The following STIL variants were observed in gnomAD, a reference collection of about 807,000 sequenced individuals.
STIL encodes STIL centriolar assembly protein.
Under a neutral mutation model 110.1 loss-of-function variants are expected in STIL, and 55 were observed. The ratio of observed to expected loss-of-function variants is 0.50; its 90% CI spans 0.40 to 0.63. The LOEUF (loss-of-function observed/expected upper bound fraction) is 0.63, where lower values mean the gene tolerates loss of function less well. Ranked by LOEUF, STIL falls within the 20% of genes least tolerant of loss-of-function variation. STIL has a pLI of 0.00. For missense variants in STIL, 1,358 were observed against 1,530.0 expected (o/e 0.89, Z 1.87); for synonymous variants, 481 against 530.0 (o/e 0.91, Z 1.27).
At chr1:47,294,862 G>C (rs1468543692) in intron 7 of STIL, among the ~76,000 whole-genome samples, 2 of 152,194 alleles carry the variant, frequency 1.3e-5, no homozygotes, top group African/African-American at 4.8e-5. Flanking sequence ...GTGGTAGTGA[G>C]AGAATACTGA....
In STIL at chr1:47,304,798, T is replaced by C. The variant is rs1240843355; in HGVS notation, c.152+91A>G. On this transcript the variant is annotated intron_variant, in intron 3 of 16. Transcript: ENST00000371877. Reference sequence around the variant, plus strand: ...TAAAAGAAAAGTAAAGAAAAATGAATAATTGGTCATAGTAATCAACTTTGC... The same window carrying C: ...TAAAAGAAAAGTAAAGAAAAATGAACAATTGGTCATAGTAATCAACTTTGC... 4.1e-6 allele frequency: 4 copies of C among 983,470 alleles called. No homozygotes were observed. The African/African-American group carries it at 4.9e-5, about 12-fold the overall frequency. 60.9% of individuals were successfully genotyped at this position (983,470 alleles called of 1,614,324 possible). A position where few individuals can be genotyped will look rare whatever the true frequency, so the allele number is the denominator to read the frequency against.
rs1274322600 is a variant in STIL at position 47,269,820 on chromosome 1, G to C, written c.2430C>G (p.Asp810Glu). Reference protein sequence around the residue: ...WNAAGEDQEPDSQMKQDDTKI... With the variant: ...WNAAGEDQEPESQMKQDDTKI... The stretch of plus-strand genomic sequence containing the variant: ...TGGTATCATCTTGCTTCATTTGAGA[G>C]TCAGGCTCTTGATCCTCACCTGCTG... Residue 810 changes from aspartate (D) to glutamate (E), a missense_variant, in exon 14 of 17, where the codon GAC becomes GAG. Transcript: ENST00000371877. 6.2e-7 allele frequency: 1 copy of C among 1,614,208 alleles called. No homozygotes were observed. Among genetic ancestry groups the C allele is most frequent in the Admixed American group, 1.7e-5 (1 of 60,028 alleles).
intron 3 of STIL, among the ~76,000 whole-genome samples, chr1:47,303,479 C>T (rs1054935391): frequency 2.0e-5 from 3 of 152,108 alleles, no homozygotes; most frequent in Non-Finnish European, 2.9e-5. Flanking sequence ...ACAGGAGAAT[C>T]GCTTGTACAT....
At chr1:47,314,470 G>A (rs1220460054), upstream of STIL, among the ~76,000 whole-genome samples, 1 of 152,236 alleles carries the variant, frequency 6.6e-6, no homozygotes, top group Non-Finnish European at 1.5e-5. Flanking sequence ...AGACGGAGGA[G>A]CGAGTGGCAG....
rs759612121 is a variant in STIL, at chr1:47,301,549, A to G, written c.453+12T>C. On this transcript the variant is annotated intron_variant, in intron 5 of 16. Transcript: ENST00000371877. The stretch of plus-strand genomic sequence containing the variant: ...GTGTTGAATTAACTATCAAGTTGTC[A>G]ATGAATCGCACCTTTAAAGCTGAAC... 2.5e-6 allele frequency: 4 copies of G among 1,611,982 alleles called. No individual in the cohort carries two copies. Among genetic ancestry groups the G allele is most frequent in the Non-Finnish European group, 3.4e-6 (4 of 1,178,810 alleles).
Position 47,251,346 on chromosome 1 carries a change from T to C in STIL, c.3657A>G (p.Leu1219=), listed in dbSNP as rs764836648. 6.2e-7 allele frequency: 1 copy of C among 1,614,254 alleles called. No individual in the cohort carries two copies. Among genetic ancestry groups the C allele is most frequent in the South Asian group, 1.1e-5 (1 of 91,086 alleles). ...CAGGACTTGGTTTAAGGTTCTTTAC[T>C]AAGAAAGCTGGCTTTTCAGTCAACT... ...KQQLTEKPAF[L]VKNLKPSPAV... Residue 1219 remains leucine, a synonymous_variant, in exon 17 of 17, where the codon TTA becomes TTG. Coordinates refer to ENST00000371877, the MANE Select transcript of STIL (RefSeq NM_001048166.1).
intron 13 of STIL, 54 bp from the exon 14 acceptor site, chr1:47,269,920 T>C (rs1644769371): frequency 2.0e-6 from 3 of 1,509,758 alleles, no homozygotes; most frequent in East Asian, 2.3e-5. Context: ...TTAAAAATAA[T>C]ACTCTGCCAA....
intron 1 of STIL, among the ~76,000 whole-genome samples, chr1:47,311,281 TTC>T (rs563037601): frequency 1.9e-4 from 27 of 145,474 alleles, no homozygotes; most frequent in East Asian, 1.2e-3. Flanking sequence ...TTTTCTTTTT[TTC>T]TTTTTTTTTT....
At chr1:47,293,157 C>T (rs1357302517) in intron 8 of STIL, among the ~76,000 whole-genome samples, 2 of 152,162 alleles carry the variant, frequency 1.3e-5, no homozygotes, top group Non-Finnish European at 2.9e-5. Context: ...AAGTTAACCT[C>T]CTTAATTATT....
At chr1:47,303,390 C>T (rs1645864113) in intron 3 of STIL, among the ~76,000 whole-genome samples, 1 of 152,078 alleles carries the variant, frequency 6.6e-6, no homozygotes, top group African/African-American at 2.4e-5. Flanking sequence ...CATGGTGAAA[C>T]CCCATCTCTA....
intron 14 of STIL, among the ~76,000 whole-genome samples, chr1:47,267,431 GCAGTGGCTCATAC>G (rs1644684919): frequency 6.6e-6 from 1 of 152,084 alleles, no homozygotes; most frequent in African/African-American, 2.4e-5. Context: ...TAGGCCAGGT[GCAGTGGCTCATAC>G]CAGTAATCCC....
intron 2 of STIL, among the ~76,000 whole-genome samples, chr1:47,307,118 T>C (rs1303388849): frequency 1.3e-5 from 2 of 152,138 alleles, no homozygotes; most frequent in African/African-American, 2.4e-5. Flanking sequence ...GCCACCCCAC[T>C]ACAGCTTGGG....
intron 12 of STIL, among the ~76,000 whole-genome samples, chr1:47,278,511 A>C (rs909334502): frequency 6.6e-6 from 1 of 152,130 alleles, no homozygotes; most frequent in African/African-American, 2.4e-5. Context: ...ACAAATTCCA[A>C]GTAACTAAGA....
intron 8 of STIL, among the ~76,000 whole-genome samples, chr1:47,291,684 A>G (rs1296936175): frequency 2.0e-5 from 3 of 151,446 alleles, no homozygotes. Flanking sequence ...TCCTGCCTCA[A>G]CCTCCCGAGC....
At position 47,250,876 on chromosome 1, in the gene STIL, C is replaced by G; in HGVS notation, c.*260G>C. 1 of 451,572 alleles carries G rather than the reference C, an allele frequency of 2.2e-6. No homozygotes were observed. The highest frequency in any genetic ancestry group is 3.9e-6 in the Non-Finnish European group (1 of 253,564). 28.0% of individuals were successfully genotyped at this position (451,572 alleles called of 1,614,324 possible). A position where few individuals can be genotyped will look rare whatever the true frequency, so the allele number is the denominator to read the frequency against. ...AGACTTAGAGCTGGATAGTATCTGT[C>G]TACTACTTAAACTTGTAGGAATAAC... On this transcript the variant is annotated 3_prime_UTR_variant, in exon 17 of 17. Coordinates refer to ENST00000371877, the MANE Select transcript of STIL (RefSeq NM_001048166.1).
chr1:47,260,263 C>CA (rs761580162), intron 16 of STIL, 26 bp downstream of exon 16: 1 of 1,599,614 alleles, frequency 6.3e-7, no homozygotes, highest in South Asian at 1.2e-5. Context: ...TTTATTCACT[C>CA]TTTAAAACAA....
intron 16 of STIL, among the ~76,000 whole-genome samples, chr1:47,252,466 T>C (rs1231666918): frequency 6.6e-6 from 1 of 152,134 alleles, no homozygotes; most frequent in Non-Finnish European, 1.5e-5. Context: ...AGGTTTAAAG[T>C]GGAATACAAA....
At chr1:47,314,464 G>C (rs1484172209), upstream of STIL, among the ~76,000 whole-genome samples, 1 of 152,230 alleles carries the variant, frequency 6.6e-6, no homozygotes, top group African/African-American at 2.4e-5. Flanking sequence ...CTAGGTAGAC[G>C]GAGGAGCGAG....
rs533079359 is a variant in STIL, at chr1:47,291,263, A to G, written c.873-1678T>C. Among the ~76,000 whole-genome samples the G allele has an allele frequency of 4.6e-5, 7 of 152,266 alleles. No individual in the cohort carries two copies. The East Asian group carries it at 1.2e-3, about 25-fold the overall frequency. On this transcript the variant is annotated intron_variant, in intron 8 of 16. Coordinates refer to ENST00000371877, the MANE Select transcript of STIL (RefSeq NM_001048166.1). ...GTAATCCCAGCTACTCAGGAGGCTG[A>G]GGCAGGAGAAACGCTTGAACCCAGG...
Sources: gnomAD v4.1 joint callset for allele counts (sites outside exome capture counted in the v4.1 genomes callset) on GRCh38, gnomAD v4.1.1 for gene constraint, MANE v1.5 for transcripts, NCBI Gene and HGNC (gene_info 2026-07-23, HGNC 2026-07-21) for gene names.